UPF1: variants seen among roughly 807,000 people sequenced by gnomAD.
UPF1 encodes regulator of nonsense transcripts 1.
UPF1 carries 9 observed loss-of-function variants against 129.2 expected under a neutral mutation model. The ratio of observed to expected loss-of-function variants is 0.07; its 90% confidence interval spans 0.04 to 0.12. The LOEUF (loss-of-function observed/expected upper bound fraction) is 0.12. UPF1 is among the 10% of genes least tolerant of loss of function. The probability of loss-of-function intolerance (pLI) is 1.00; values close to 1 mark genes in which losing one functional copy is unlikely to be tolerated. For synonymous variants in UPF1, 649 were observed against 644.9 expected, an observed-to-expected ratio of 1.01 and a Z score of -0.10; for missense variants, 788 against 1,525.3, an observed-to-expected ratio of 0.52 and a Z score of 8.05.
intron 1 of UPF1, among the ~76,000 whole-genome samples, chr19:18,834,179 T>C: frequency 6.6e-6 from 1 of 152,130 alleles, no homozygotes; most frequent in East Asian, 1.9e-4. Flanking sequence ...CCTAGATCCA[T>C]GTGTGAGTCG....
rs961336131 is a variant in UPF1, at chr19:18,856,279, C to T, written c.1803C>T (p.Thr601=). The part of the protein sequence containing the change: ...DEKRYRALKR[T]AERELLMNAD... Reference sequence around the variant, plus strand: ...AGCGGTACCGGGCCTTGAAGCGCACCGCAGAGAGAGAGCTGCTGATGGTGA... The same window carrying T: ...AGCGGTACCGGGCCTTGAAGCGCACTGCAGAGAGAGAGCTGCTGATGGTGA... The change falls in exon 13 of 24, where the codon ACC becomes ACT. Residue 601 remains threonine (T), a synonymous_variant. Transcript: ENST00000262803. The T allele has an allele frequency of 1.1e-5, 17 of 1,598,414 alleles. No individual in the cohort carries two copies. Among genetic ancestry groups the T allele is most frequent in the Middle Eastern group, 1.7e-4 (1 of 5,930 alleles).
rs548461644 is a variant in UPF1, at chr19:18,837,596, T to G, written c.231+5156T>G. Among the ~76,000 whole-genome samples the G allele has an allele frequency of 3.9e-5, 6 of 152,294 alleles. No individual in the cohort carries two copies. In the South Asian group the frequency reaches 1.2e-3, roughly 32 times the overall value. ...AAAAATGTGTGCCTATTGGTTTGAG[T>G]TGCTTTTCTTAGCTCACCTGAAAGT... is the stretch of plus-strand genomic sequence containing the variant. On this transcript the variant is annotated intron_variant, in intron 1 of 23. Coordinates refer to ENST00000262803, the MANE Select transcript of UPF1 (RefSeq NM_002911.4).
At chr19:18,860,250 T>A (rs2055763332) in intron 15 of UPF1, 71 bp from the exon 16 acceptor site, 1 of 1,492,184 alleles carries the variant, frequency 6.7e-7, no homozygotes, top group African/African-American at 1.4e-5. Flanking sequence ...GCAACTACAT[T>A]GCCCTGTGTC....
At chr19:18,852,629 C>T (rs1443504318) in intron 6 of UPF1, among the ~76,000 whole-genome samples, 1 of 149,634 alleles carries the variant, frequency 6.7e-6, no homozygotes, top group Non-Finnish European at 1.5e-5. Flanking sequence ...GGAGCGCTGA[C>T]CTCCCCTCCC....
Position 18,855,034 on chromosome 19 carries a change from C to T in UPF1, c.1421C>T (p.Ser474Phe), listed in dbSNP as rs751959968. 2 of 1,613,834 alleles carry T rather than the reference C, an allele frequency of 1.2e-6. No homozygotes were observed. The highest frequency in any genetic ancestry group is 1.1e-5 in the South Asian group (1 of 91,070). ...TAQGLPDLNH[S>F]QVYAVKTVLQ... ...CAGGGCCTCCCCGACCTCAACCACT[C>T]CCAGGTGCGCGCCGTCCTCAGCGCG... Residue 474 changes from serine to phenylalanine, a missense_variant, in exon 10 of 24, where the codon TCC becomes TTC. Coordinates refer to ENST00000262803, the MANE Select transcript of UPF1 (RefSeq NM_002911.4).
chr19:18,849,330 A>G (rs915580057), intron 3 of UPF1: 2 of 152,990 alleles, frequency 1.3e-5, no homozygotes, highest in African/African-American at 4.8e-5. Flanking sequence ...GAGCTGCTGG[A>G]GACACCGGAA....
At chr19:18,847,650 A>G in intron 2 of UPF1, 94 bp from the exon 3 acceptor site, 1 of 1,233,034 alleles carries the variant, frequency 8.1e-7, no homozygotes, top group East Asian at 2.4e-5. Context: ...TGAAGAACTT[A>G]AAAATGTTGT....
At chr19:18,861,772 G>A (rs979733571) in intron 17 of UPF1, among the ~76,000 whole-genome samples, 6 of 152,322 alleles carry the variant, frequency 3.9e-5, no homozygotes, top group Non-Finnish European at 7.3e-5. Flanking sequence ...AGGCTGCAGC[G>A]AGCTGAGATT....
chr19:18,844,383 G>T (rs2055576367), intron 1 of UPF1, among the ~76,000 whole-genome samples: 1 of 151,858 alleles, frequency 6.6e-6, no homozygotes, highest in South Asian at 2.1e-4. Flanking sequence ...GCGTGCAGTG[G>T]CACGGTCTCA....
chr19:18,847,590 A>G (rs571886260), intron 2 of UPF1, among the ~76,000 whole-genome samples, 154 bp from the exon 3 acceptor site: 2 of 152,192 alleles, frequency 1.3e-5, no homozygotes, highest in African/African-American at 4.8e-5. Flanking sequence ...AGCCCTGGTT[A>G]ACTGGTTTGA....
At chr19:18,859,933 C>G in intron 15 of UPF1, 1 of 172,318 alleles carries the variant, frequency 5.8e-6, no homozygotes, top group South Asian at 1.5e-4. Flanking sequence ...ACTGTTGGCT[C>G]AACAGTGTCA....
intron 1 of UPF1, among the ~76,000 whole-genome samples, chr19:18,834,427 T>G (rs1331776555): frequency 6.6e-6 from 1 of 152,220 alleles, no homozygotes; most frequent in Non-Finnish European, 1.5e-5. Flanking sequence ...GTGGGGCATG[T>G]CCTTCTCTTT....
In UPF1 at chr19:18,860,969, C is replaced by T; in HGVS notation, c.2444C>T (p.Thr815Ile). ...QYMQFSGSLH[T>I]KLYQEVEIAS... The stretch of plus-strand genomic sequence containing the variant: ...ATGCAGTTCAGCGGCTCCCTGCACA[C>T]CAAGCTCTACCAGGTGCGCTGCGCC... The change falls in exon 17 of 24, where the codon ACC (threonine) becomes ATC (isoleucine). Residue 815 changes from threonine (T) to isoleucine (I), a missense_variant. By Grantham distance (89) the Thr-to-Ile change is moderately conservative. Around this residue, in one of 6 missense-constraint regions of UPF1, gnomAD observed 140 missense variants for 385.9 expected, o/e 0.36. Transcript: ENST00000262803. 1 of 1,581,938 alleles carries T rather than the reference C, an allele frequency of 6.3e-7. No individual in the cohort carries two copies. Among genetic ancestry groups the T allele is most frequent in the Non-Finnish European group, 8.6e-7 (1 of 1,165,166 alleles).
Position 18,851,711 on chromosome 19 carries a change from A to G in UPF1, c.811-424A>G, listed in dbSNP as rs1179759542. On this transcript the variant is annotated intron_variant, in intron 5 of 23. Transcript: ENST00000262803. The surrounding 1 kb of genome is among the most constrained non-coding windows in gnomAD (Gnocchi z 4.2). ...GGCCTCCCGGGCTGTGGACACAGCG[A>G]GAGAAACCGGTGGTCTTTGTGGCAG... Among the ~76,000 whole-genome samples, 3 of 152,200 alleles carry G rather than the reference A, an allele frequency of 2.0e-5. No individual in the cohort carries two copies. The highest frequency in any genetic ancestry group is 2.9e-5 in the Non-Finnish European group (2 of 68,028).
At position 18,865,154 on chromosome 19, in the gene UPF1, C is replaced by T. The variant is rs1568284655; in HGVS notation, c.2858-135C>T. 7 of 1,165,856 alleles carry T rather than the reference C, an allele frequency of 6.0e-6. No homozygotes were observed. The highest frequency in any genetic ancestry group is 2.7e-5 in the Admixed American group (1 of 37,588). The allele number at this position is 1,165,856 out of a possible 1,614,324, so 72.2% of individuals were successfully genotyped here. ...CTGCTGTAGTTAACATGGAGTCCTG[C>T]GAATCCGCATCTTCAGCCTGGGCAG... On this transcript the variant is annotated intron_variant, in intron 20 of 23. Transcript: ENST00000262803. This position sits in a 1 kb window ranked among gnomAD's most constrained non-coding sequence, Gnocchi z 6.1.
intron 19 of UPF1, 117 bp downstream of exon 19, chr19:18,863,729 A>AGGGTGGGCTCTCCTAGGGGT: frequency 3.0e-6 from 2 of 672,054 alleles, no homozygotes; most frequent in East Asian, 6.5e-5. Context: ...CTCCTAGGGG[A>AGGGTGGGCTCTCCTAGGGGT]GGGTGGGCTC....
rs1035250806 is a variant in UPF1, at chr19:18,866,306, G to A, written c.*3+140G>A. On this transcript the variant is annotated intron_variant, in intron 23 of 23. Transcript: ENST00000262803. ...CTGGTGGGGGTCATAGGCCCTCAGG[G>A]CCAGCTTGGCCTGTGCCCTTCACTG... The A allele has an allele frequency of 2.3e-6, 3 of 1,319,002 alleles. No homozygotes were observed. In the Middle Eastern group the frequency reaches 8.1e-4, roughly 358 times the overall value. 81.7% of individuals were successfully genotyped at this position (1,319,002 alleles called of 1,614,324 possible).
intron 18 of UPF1, chr19:18,863,155 C>T (rs78953342): frequency 4.9e-5 from 17 of 350,270 alleles, no homozygotes; most frequent in East Asian, 2.0e-4. Context: ...CCTGGAAGGC[C>T]GACTCTCTTG....
intron 1 of UPF1, among the ~76,000 whole-genome samples, chr19:18,842,862 C>T (rs574324017): frequency 2.5e-4 from 38 of 152,040 alleles, no homozygotes; most frequent in African/African-American, 8.2e-4. Context: ...TGGCGCATGC[C>T]TGTAATCCCA....
Sources: allele counts gnomAD v4.1 joint callset (sites outside exome capture counted in the v4.1 genomes callset), GRCh38; gene constraint gnomAD v4.1.1; regional missense constraint gnomAD v4.1.1; non-coding constraint Gnocchi (gnomAD v3.1); transcripts MANE v1.5; gene names NCBI Gene and HGNC (gene_info 2026-07-23, HGNC 2026-07-21).